CDK5RAP1: variants seen among roughly 807,000 people sequenced by gnomAD.
CDK5RAP1 encodes the protein mitochondrial tRNA methylthiotransferase CDK5RAP1.
In CDK5RAP1, 62 loss-of-function variants were observed where a neutral mutation model predicts 64.5. The observed-to-expected ratio is 0.96, with a 90% CI of 0.78 to 1.19. The LOEUF (loss-of-function observed/expected upper bound fraction) is 1.19, where lower values mean the gene tolerates loss of function less well. Ranked by LOEUF, CDK5RAP1 falls within the 50% of genes most tolerant of loss-of-function variation. The probability of loss-of-function intolerance (pLI) is 0.00; values close to 1 mark genes in which losing one functional copy is unlikely to be tolerated. For missense variants in CDK5RAP1, 657 were observed against 735.0 expected, an observed-to-expected ratio of 0.89 and a Z score of 1.23; for synonymous variants, 250 against 261.9, an observed-to-expected ratio of 0.95 and a Z score of 0.44.
chr20:33,377,678 G>A (rs1489117481), intron 8 of CDK5RAP1, among the ~76,000 whole-genome samples: 1 of 152,096 alleles, frequency 6.6e-6, no homozygotes, highest in African/African-American at 2.4e-5. Flanking sequence ...TTGAGATGGA[G>A]TCTCACTCTA....
chr20:33,366,259 C>CA (rs1374477753), intron 12 of CDK5RAP1, among the ~76,000 whole-genome samples: 2 of 139,470 alleles, frequency 1.4e-5, no homozygotes, highest in African/African-American at 5.5e-5. Flanking sequence ...ACAGAGGTTG[C>CA]AGTAAGCCAA....
At chr20:33,383,116 G>A (rs1986974353) in intron 7 of CDK5RAP1, among the ~76,000 whole-genome samples, 1 of 151,990 alleles carries the variant, frequency 6.6e-6, no homozygotes, top group Admixed American at 6.6e-5. Context: ...GGGAGGCGGA[G>A]GTTGCGGTGA....
Position 33,360,344 on chromosome 20 carries a change from T to C in CDK5RAP1, c.1683+7A>G, listed in dbSNP as rs1279817568. On this transcript the variant is annotated splice_region_variant and intron_variant, in intron 13 of 13. Transcript: ENST00000346416. ...GTGCAAGCCAAAAGCCCAAAAGGACTCCTCACCTTCACCAGCACATAGTCC... is the reference window on the plus strand; with the variant it reads ...GTGCAAGCCAAAAGCCCAAAAGGACCCCTCACCTTCACCAGCACATAGTCC... 1.9e-6 allele frequency: 3 copies of C among 1,613,296 alleles called. No homozygotes were observed. Among genetic ancestry groups the C allele is most frequent in the Non-Finnish European group, 2.5e-6 (3 of 1,179,770 alleles).
intron 10 of CDK5RAP1, 81 bp from the exon 11 acceptor site, chr20:33,370,710 G>A: frequency 6.8e-7 from 1 of 1,465,728 alleles, no homozygotes; most frequent in Non-Finnish European, 9.5e-7. Context: ...TGGATTACAA[G>A]GGAGGGATAG....
intron 11 of CDK5RAP1, 117 bp from the exon 12 acceptor site, chr20:33,367,125 A>G (rs1182176173): frequency 1.5e-5 from 14 of 952,074 alleles, no homozygotes; most frequent in East Asian, 2.7e-5. Flanking sequence ...ACACATGTAC[A>G]GAAACCCAAG....
At chr20:33,389,377 C>A (rs1987975629) in intron 5 of CDK5RAP1, among the ~76,000 whole-genome samples, 1 of 150,962 alleles carries the variant, frequency 6.6e-6, no homozygotes, top group African/African-American at 2.4e-5. Flanking sequence ...GTGAGGAGCC[C>A]CTCCGCGCGG....
intron 2 of CDK5RAP1, 107 bp from the exon 3 acceptor site, chr20:33,395,223 T>C: frequency 1.4e-6 from 1 of 693,998 alleles, no homozygotes. Context: ...GGCATCTGGT[T>C]ATCCACTAAG....
Position 33,366,771 on chromosome 20 carries a change from A to G in CDK5RAP1, c.1542+88T>C. 3 of 1,297,458 alleles carry G rather than the reference A, an allele frequency of 2.3e-6. No homozygotes were observed. In the Admixed American group the frequency reaches 6.8e-5, roughly 29 times the overall value. The allele number at this position is 1,297,458 out of a possible 1,614,324, so 80.4% of individuals were successfully genotyped here. The stretch of plus-strand genomic sequence containing the variant: ...CACTTGAGCCCAGCAGTTTGAGTCC[A>G]GCCTAGGCAACATAATGAGGAAAAA... On this transcript the variant is annotated intron_variant, in intron 12 of 13. Coordinates refer to ENST00000346416, the MANE Select transcript of CDK5RAP1 (RefSeq NM_016408.4).
chr20:33,379,865 T>C (rs1222097169), intron 7 of CDK5RAP1, among the ~76,000 whole-genome samples, 174 bp from the exon 8 acceptor site: 1 of 152,194 alleles, frequency 6.6e-6, no homozygotes, highest in Admixed American at 6.5e-5. Context: ...ATTTCAAGCT[T>C]AGACATCTTA....
At chr20:33,364,504 C>G (rs748974325) in intron 12 of CDK5RAP1, among the ~76,000 whole-genome samples, 9 of 152,038 alleles carry the variant, frequency 5.9e-5, no homozygotes, top group African/African-American at 9.7e-5. Context: ...GTATCTTATA[C>G]TTGCTTTAAA....
At position 33,369,326 on chromosome 20, in the gene CDK5RAP1, AC is replaced by A. The variant is rs1321945451; in HGVS notation, c.1392+1172del. Among the ~76,000 whole-genome samples, 8 of 151,366 alleles carry A rather than the reference AC, an allele frequency of 5.3e-5. No homozygotes were observed. The South Asian group carries it at 1.5e-3, about 28-fold the overall frequency. On this transcript the variant is annotated intron_variant, in intron 11 of 13. Transcript: ENST00000346416. ...GTGAAACCCCGTCTCTACTAAAAATACAAAAAATTAGCCGGGCATGGTGGCG... is the reference window on the plus strand; with the variant it reads ...GTGAAACCCCGTCTCTACTAAAAATAAAAAAATTAGCCGGGCATGGTGGCG...
intron 5 of CDK5RAP1, among the ~76,000 whole-genome samples, chr20:33,389,171 G>A (rs141396468): frequency 0.42 from 62,552 of 149,428 alleles, 14,243 homozygotes; most frequent in Non-Finnish European, 0.51. Flanking sequence ...TCCCGTCTAG[G>A]AAGTGAGCAG....
chr20:33,374,238 T>TA (rs1237017019), intron 8 of CDK5RAP1, 26 bp from the exon 9 acceptor site: 1 of 1,456,364 alleles, frequency 6.9e-7, no homozygotes, highest in Non-Finnish European at 9.6e-7. Flanking sequence ...ACATTATAGG[T>TA]AATCACAATC....
chr20:33,369,129 A>G (rs554081168), intron 11 of CDK5RAP1, among the ~76,000 whole-genome samples: 27 of 150,792 alleles, frequency 1.8e-4, no homozygotes, highest in African/African-American at 6.3e-4. Flanking sequence ...ACAGAGCGAG[A>G]CTCTGTCTCA....
In CDK5RAP1 at chr20:33,394,023, A is replaced by AATTC. The variant is rs765663220; in HGVS notation, c.443+5_443+8dup. 6.3e-7 allele frequency: 1 copy of AATTC among 1,583,776 alleles called. No homozygotes were observed. Among genetic ancestry groups the AATTC allele is most frequent in the East Asian group, 2.2e-5 (1 of 44,772 alleles). On this transcript the variant is annotated intron_variant, in intron 4 of 13. Transcript: ENST00000346416. ...TACATTCACTCCTAGGAAAAGAACA[A>AATTC]ATTCGCACCTGATAGAGCATGTGAC...
chr20:33,366,574 T>C (rs1488778520), intron 12 of CDK5RAP1, among the ~76,000 whole-genome samples: 1 of 152,200 alleles, frequency 6.6e-6, no homozygotes, highest in East Asian at 1.9e-4. Flanking sequence ...ACTGTGCCAC[T>C]GCACTCCAGC....
chr20:33,398,614 C>T (rs947174616), intron 1 of CDK5RAP1, among the ~76,000 whole-genome samples: 1 of 151,962 alleles, frequency 6.6e-6, no homozygotes, highest in Admixed American at 6.6e-5. Context: ...TACAATGAAA[C>T]AAGATACAAC....
chr20:33,363,534 A>T (rs1261505699), intron 12 of CDK5RAP1, among the ~76,000 whole-genome samples: 1 of 152,150 alleles, frequency 6.6e-6, no homozygotes, highest in Non-Finnish European at 1.5e-5. Context: ...AGGGGAAAAA[A>T]AGTTCTTTAT....
rs1984818144 is a variant in CDK5RAP1 at position 33,370,536 on chromosome 20, T to C, written c.1355A>G (p.Tyr452Cys). ...QTVSLLREVQ[Y>C]NMGFLFAYSM... ...GTAGGCAAAGAGGAAGCCCATGTTG[T>C]ACTGAACTTCCCGGAGCAAAGAGAC... is the stretch of plus-strand genomic sequence containing the variant. The change falls in exon 11 of 14, where the codon TAC (tyrosine) becomes TGC (cysteine). Residue 452 changes from tyrosine (Y) to cysteine (C), a missense_variant. Tyr to Cys is a radical substitution (Grantham distance 194). Transcript: ENST00000346416. 1.9e-6 allele frequency: 3 copies of C among 1,614,046 alleles called. No homozygotes were observed. Among genetic ancestry groups the C allele is most frequent in the Non-Finnish European group, 2.5e-6 (3 of 1,180,032 alleles).
Sources: gnomAD v4.1 joint callset for allele counts (sites outside exome capture counted in the v4.1 genomes callset) on GRCh38, gnomAD v4.1.1 for gene constraint, MANE v1.5 for transcripts, NCBI Gene and HGNC (gene_info 2026-07-23, HGNC 2026-07-21) for gene names.